The following DPY19L1 variants were observed in gnomAD, a reference collection of about 807,000 sequenced individuals.
DPY19L1 encodes the protein dpy-19 like C-mannosyltransferase 1.
A neutral mutation model predicts 96.9 loss-of-function variants in DPY19L1; 35 were observed. The observed-to-expected ratio is 0.36, with a 90% CI of 0.28 to 0.48. The LOEUF (loss-of-function observed/expected upper bound fraction) is 0.48. Among genes scored for constraint, DPY19L1 ranks in the 20% least tolerant of loss-of-function variants. DPY19L1 has a pLI of 0.99. For synonymous variants in DPY19L1, 205 were observed against 252.6 expected, an observed-to-expected ratio of 0.81 and a Z score of 1.79; for missense variants, 521 against 777.9, an observed-to-expected ratio of 0.67 and a Z score of 3.93.
At chr7:35,034,722 T>C (rs1461141717) in intron 1 of DPY19L1, among the ~76,000 whole-genome samples, 7 of 152,246 alleles carry the variant, frequency 4.6e-5, no homozygotes, top group South Asian at 4.1e-4. Context: ...CACGGAGCTT[T>C]AAGTTACAAA....
intron 9 of DPY19L1, among the ~76,000 whole-genome samples, chr7:34,968,835 T>TA (rs1023997296): frequency 6.4e-4 from 30 of 46,778 alleles, no homozygotes; most frequent in South Asian, 3.8e-3. Context: ...ATCAGTACAA[T>TA]AAAAAAAAAT....
rs1405998735 is a variant in DPY19L1 at position 34,954,711 on chromosome 7, C to T, written c.1307G>A (p.Gly436Asp). 2 of 1,552,564 alleles carry T rather than the reference C, an allele frequency of 1.3e-6. No homozygotes were observed. Among genetic ancestry groups the T allele is most frequent in the African/African-American group, 2.7e-5 (2 of 73,464 alleles). The part of the protein sequence containing the change: ...ILKYLTSKIF[G>D]IADDAHIGNL... ...AAATGCACTTACGTCATCTGCAATA[C>T]CAAAAATTTTAGATGTCAAGTATTT... The change falls in exon 13 of 22, where the codon GGT becomes GAT. Residue 436 changes from glycine to aspartate, a missense_variant. Coordinates refer to ENST00000638088, the MANE Select transcript of DPY19L1 (RefSeq NM_001366673.1).
In DPY19L1 at chr7:34,931,772, A is replaced by C. The variant is rs776570973; in HGVS notation, c.2091-43T>G. 9 of 1,548,640 alleles carry C rather than the reference A, an allele frequency of 5.8e-6. No individual in the cohort carries two copies. In the East Asian group the frequency reaches 2.1e-4, roughly 36 times the overall value. ...CATGTTAAAAATCAATATGCATTAT[A>C]TAACTGCAGAGAAAGCAGAGCACTT... On this transcript the variant is annotated intron_variant, in intron 21 of 21. Transcript: ENST00000638088.
chr7:34,998,746 C>T (rs552259499), intron 6 of DPY19L1, among the ~76,000 whole-genome samples: 2 of 152,332 alleles, frequency 1.3e-5, no homozygotes, highest in East Asian at 3.9e-4. Context: ...TGCAATCTTC[C>T]AACCAGCTCC....
chr7:34,942,774 A>T, intron 16 of DPY19L1, 135 bp from the exon 17 acceptor site: 1 of 698,790 alleles, frequency 1.4e-6, no homozygotes, highest in East Asian at 2.8e-5. Flanking sequence ...GCAAATCAAA[A>T]TAACTAAAAG....
intron 11 of DPY19L1, among the ~76,000 whole-genome samples, chr7:34,957,138 T>C (rs1784395592): frequency 6.6e-6 from 1 of 151,490 alleles, no homozygotes; most frequent in South Asian, 2.1e-4. Flanking sequence ...ATCCCAGCAC[T>C]TTGGGAGGCC....
intron 6 of DPY19L1, among the ~76,000 whole-genome samples, chr7:34,994,235 T>C (rs1785234244): frequency 6.6e-6 from 1 of 152,084 alleles, no homozygotes; most frequent in South Asian, 2.1e-4. Context: ...CTGAAGGAGA[T>C]AATCAACAAG....
intron 3 of DPY19L1, among the ~76,000 whole-genome samples, 158 bp downstream of exon 3, chr7:35,017,724 G>C (rs1253745445): frequency 6.6e-6 from 1 of 151,910 alleles, no homozygotes; most frequent in Non-Finnish European, 1.5e-5. Flanking sequence ...TAGTGAGTGG[G>C]GGTGTAGATG....
At chr7:34,953,118 C>G (rs188970119) in intron 13 of DPY19L1, among the ~76,000 whole-genome samples, 14 of 152,240 alleles carry the variant, frequency 9.2e-5, no homozygotes, top group Admixed American at 3.3e-4. Flanking sequence ...CTCAGAGGCA[C>G]TATCAGTAAA....
At chr7:35,015,975 CAAACTA>C (rs985998750) in intron 3 of DPY19L1, among the ~76,000 whole-genome samples, 4 of 152,262 alleles carry the variant, frequency 2.6e-5, no homozygotes, top group Admixed American at 2.0e-4. Flanking sequence ...CCAAGATTCT[CAAACTA>C]AAAGATTAAT....
At chr7:35,012,071 T>C (rs964028975) in intron 4 of DPY19L1, among the ~76,000 whole-genome samples, 2 of 152,206 alleles carry the variant, frequency 1.3e-5, no homozygotes, top group African/African-American at 4.8e-5. Flanking sequence ...GCCTGAAAGC[T>C]TGAAGCTGTG....
chr7:35,036,445 T>C (rs1256593975), intron 1 of DPY19L1, among the ~76,000 whole-genome samples: 1 of 151,282 alleles, frequency 6.6e-6, no homozygotes, highest in Non-Finnish European at 1.5e-5. Context: ...TTACACATCA[T>C]CCATTTGGTA....
intron 5 of DPY19L1, among the ~76,000 whole-genome samples, chr7:35,010,913 T>C (rs1374403143): frequency 1.3e-5 from 2 of 152,174 alleles, no homozygotes; most frequent in Non-Finnish European, 2.9e-5. Flanking sequence ...GGTCATACAG[T>C]GTCCAGCTTG....
chr7:34,997,436 CAAAAAAAAAAAAA>C (rs397836742), intron 6 of DPY19L1, among the ~76,000 whole-genome samples: 1 of 91,954 alleles, frequency 1.1e-5, no homozygotes, highest in Non-Finnish European at 2.0e-5. Flanking sequence ...ACTAAAAATA[CAAAAAAAAAAAAA>C]AAAAAAAAAA....
At chr7:34,992,665 G>C (rs1466890255) in intron 6 of DPY19L1, among the ~76,000 whole-genome samples, 1 of 151,128 alleles carries the variant, frequency 6.6e-6, no homozygotes, top group Admixed American at 6.6e-5. Flanking sequence ...TCCTGCCTCA[G>C]CCTCCAGAGT....
intron 6 of DPY19L1, among the ~76,000 whole-genome samples, chr7:34,992,596 G>C (rs539892813): frequency 6.7e-6 from 1 of 149,336 alleles, no homozygotes; most frequent in Admixed American, 6.7e-5. Context: ...ACCCAAGCTA[G>C]GGTAGAGTGG....
At chr7:34,970,487 C>T (rs561247009) in intron 8 of DPY19L1, among the ~76,000 whole-genome samples, 106 of 152,228 alleles carry the variant, frequency 7.0e-4, no homozygotes, top group African/African-American at 2.4e-3. Context: ...ATCCTACTTA[C>T]GAGGGGTTCT....
intron 1 of DPY19L1, among the ~76,000 whole-genome samples, chr7:35,029,401 T>A (rs2128683224): frequency 6.6e-6 from 1 of 152,220 alleles, no homozygotes. Context: ...AATCTGCATC[T>A]CTCCACTAGA....
chr7:34,966,038 T>C (rs1784601076), intron 10 of DPY19L1, among the ~76,000 whole-genome samples: 1 of 152,106 alleles, frequency 6.6e-6, no homozygotes, highest in Admixed American at 6.5e-5. Context: ...TCTTTTTTTG[T>C]ATTTTTTTTT....
Sources: allele counts gnomAD v4.1 joint callset (sites outside exome capture counted in the v4.1 genomes callset), GRCh38; gene constraint gnomAD v4.1.1; transcripts MANE v1.5; gene names NCBI Gene and HGNC (gene_info 2026-07-23, HGNC 2026-07-21).